Variants in ART5 observed in about 807,000 individuals in gnomAD.
The protein encoded by ART5 is ADP-ribosyltransferase 5, also known as ecto-ADP-ribosyltransferase 5.
ART5 carries 22 observed loss-of-function variants against 25.0 expected under a neutral mutation model. That is an observed-to-expected ratio of 0.88 (90% CI 0.63 to 1.26). ART5 has a LOEUF of 1.26. ART5 is among the 50% of genes most tolerant of loss of function. ART5 has a pLI of 0.00. For missense variants in ART5, 402 were observed against 372.8 expected (o/e 1.08, Z -0.64); for synonymous variants, 161 against 154.8 (o/e 1.04, Z -0.30).
chr11:3,641,680 G>C, intron 1 of ART5, 126 bp downstream of exon 1: 1 of 1,482,004 alleles, frequency 6.7e-7, no homozygotes. Context: ...GAGGAAGAGA[G>C]TTAAGAGTGG....
At chr11:3,642,328 AGCGCCGCACGCGGG>A, upstream of ART5, 1 of 990,908 alleles carries the variant, frequency 1.0e-6, no homozygotes, top group Non-Finnish European at 1.2e-6. Context: ...CCCCTTTCCC[AGCGCCGCACGCGGG>A]GCCGGGAGCG....
At position 3,639,627 on chromosome 11, in the gene ART5, C is replaced by T. The variant is rs2077361378; in HGVS notation, c.787+15G>A. 1 of 1,600,550 alleles carries T rather than the reference C, an allele frequency of 6.2e-7. No homozygotes were observed. Among genetic ancestry groups the T allele is most frequent in the Non-Finnish European group, 8.5e-7 (1 of 1,173,742 alleles). ...ACCCACACTGCCAGTCCTGCTTCCC[C>T]CATGCACAGCTTACCACCCAGATAG... On this transcript the variant is annotated intron_variant, in intron 2 of 3. Transcript: ENST00000397068.
At position 3,641,924 on chromosome 11, in the gene ART5, C is replaced by G. The variant is rs757980761; in HGVS notation, c.-62G>C. On this transcript the variant is annotated 5_prime_UTR_variant, in exon 1 of 4. Coordinates refer to ENST00000397068, the MANE Select transcript of ART5 (RefSeq NM_053017.5). ...GGGCGGGACCAGAGGTGCTGGAGTC[C>G]TGGTTTCGAGGGGCTGGAGGCAGAT... 1 of 1,542,178 alleles carries G rather than the reference C, an allele frequency of 6.5e-7. No individual in the cohort carries two copies. Among genetic ancestry groups the G allele is most frequent in the African/African-American group, 1.4e-5 (1 of 73,162 alleles).
In ART5 at chr11:3,640,358, G is replaced by GT. The variant is rs397784566; in HGVS notation, c.70_71insA (p.Pro24HisfsTer13). The GT allele has an allele frequency of 2.5e-3, 4,039 of 1,606,452 alleles. 12 individuals carry two copies. The highest frequency in any genetic ancestry group is 3.6e-3 in the South Asian group (321 of 90,222). ...TGGAGCCAGGCCCAGGGGCAGGATG[G>GT]GAACAGCCTGGGCCTGTGGAGCAAA... On this transcript the variant is annotated frameshift_variant, in exon 2 of 4. Transcript: ENST00000397068. LOFTEE classifies it high-confidence loss of function.
At chr11:3,641,545 G>A (rs1189405980) in intron 1 of ART5, among the ~76,000 whole-genome samples, 1 of 152,186 alleles carries the variant, frequency 6.6e-6, no homozygotes, top group African/African-American at 2.4e-5. Flanking sequence ...TTGCCGGGCT[G>A]TGCCTGCGCT....
Position 3,640,078 on chromosome 11 carries a change from G to T in ART5, c.351C>A (p.Gly117=), listed in dbSNP as rs200406523. The change falls in exon 2 of 4, where the codon GGC becomes GGA. Residue 117 remains glycine, a synonymous_variant. Transcript: ENST00000397068. The part of the protein sequence containing the change: ...YWELNQAVRT[G]GGSRELYMRH... Reference sequence around the variant, plus strand: ...TCATGTAGAGCTCCCGGGAGCCTCCGCCCGTCCGCACGGCCTGATTCAACT... The same window carrying T: ...TCATGTAGAGCTCCCGGGAGCCTCCTCCCGTCCGCACGGCCTGATTCAACT... 6.2e-7 allele frequency: 1 copy of T among 1,614,186 alleles called. No homozygotes were observed. The highest frequency in any genetic ancestry group is 8.5e-7 in the Non-Finnish European group (1 of 1,180,040).
At chr11:3,642,287 T>C, upstream of ART5, 3 of 1,025,338 alleles carry the variant, frequency 2.9e-6, no homozygotes, top group Non-Finnish European at 3.5e-6. Flanking sequence ...TTCTCGAGGC[T>C]AACTGTAGCC....
At chr11:3,638,839 G>A (rs1224695565) in intron 3 of ART5, 46 bp from the exon 4 acceptor site, 3 of 1,614,022 alleles carry the variant, frequency 1.9e-6, no homozygotes, top group Non-Finnish European at 1.7e-6. Context: ...CCTGAGAGCT[G>A]GAACTCTCCA....
chr11:3,640,277 G>A lies in ART5; in HGVS notation c.152C>T (p.Ala51Val), dbSNP rs753373523. 9 of 1,613,502 alleles carry A rather than the reference G, an allele frequency of 5.6e-6. No individual in the cohort carries two copies. The highest frequency in any genetic ancestry group is 6.8e-6 in the Non-Finnish European group (8 of 1,180,038). Reference sequence around the variant, plus strand: ...GGCCATTTCCTCCTTTAGCAGGGGGGCTGCCTTCTCCTCCATCTCCTCTGC... The same window carrying A: ...GGCCATTTCCTCCTTTAGCAGGGGGACTGCCTTCTCCTCCATCTCCTCTGC... ...GCAEEMEEKA[A>V]PLLKEEMAHH... The change falls in exon 2 of 4, where the codon GCC becomes GTC. Residue 51 changes from alanine to valine, a missense_variant. Ala to Val is a moderately conservative substitution (Grantham distance 64). Transcript: ENST00000397068.
Position 3,639,903 on chromosome 11 carries a change from C to G in ART5, c.526G>C (p.Val176Leu), listed in dbSNP as rs1382579818. Residue 176 changes from valine (V) to leucine (L), a missense_variant, in exon 2 of 4, where the codon GTC (valine) becomes CTC (leucine). Physicochemically the swap from Val to Leu is conservative, Grantham distance 32 (BLOSUM62 1). Transcript: ENST00000397068. ...CTGGAGGCAAACTGGCCCAAGCGGA[C>G]AGAGTCTCCCAGCCTCTTGGGTTCA... Reference protein sequence around the residue: ...RFEPKRLGDSVRLGQFASSSL... With the variant: ...RFEPKRLGDSLRLGQFASSSL... 6.2e-7 allele frequency: 1 copy of G among 1,614,058 alleles called. No individual in the cohort carries two copies. Among genetic ancestry groups the G allele is most frequent in the South Asian group, 1.1e-5 (1 of 91,086 alleles).
rs943545943 is a variant in ART5 at position 3,639,794 on chromosome 11, G to A, written c.635C>T (p.Ala212Val). Residue 212 changes from alanine (A) to valine (V), a missense_variant, in exon 2 of 4, where the codon GCC becomes GTC. By Grantham distance (64) the Ala-to-Val change is moderately conservative. Transcript: ENST00000397068. Reference sequence around the variant, plus strand: ...GCGCTCCTTGGGAAAGACAGAGAAGGCCTGTATAGGGGCCCCAAAGCAAGT... The same window carrying A: ...GCGCTCCTTGGGAAAGACAGAGAAGACCTGTATAGGGGCCCCAAAGCAAGT... The part of the protein sequence containing the change: ...LTTCFGAPIQ[A>V]FSVFPKEREV... 2 of 1,614,108 alleles carry A rather than the reference G, an allele frequency of 1.2e-6. No individual in the cohort carries two copies. Among genetic ancestry groups the A allele is most frequent in the Admixed American group, 1.7e-5 (1 of 60,004 alleles).
Position 3,638,541 on chromosome 11 carries a change from G to A in ART5, c.*197C>T. The A allele has an allele frequency of 1.6e-6, 1 of 640,748 alleles. No individual in the cohort carries two copies. The highest frequency in any genetic ancestry group is 2.7e-6 in the Non-Finnish European group (1 of 363,934). 39.7% of individuals were successfully genotyped at this position (640,748 alleles called of 1,614,324 possible). On this transcript the variant is annotated 3_prime_UTR_variant, in exon 4 of 4. Transcript: ENST00000397068. The stretch of plus-strand genomic sequence containing the variant: ...CACTGCAATACCATTTAATCACGTA[G>A]CTACCTCAATAAAACTCCATGTCTC...
At position 3,641,942 on chromosome 11, in the gene ART5, A is replaced by G; in HGVS notation, c.-80T>C. ...TGGAGTCCTGGTTTCGAGGGGCTGG[A>G]GGCAGATCTGGACCCTGTCTCCAGG... On this transcript the variant is annotated 5_prime_UTR_variant, in exon 1 of 4. Coordinates refer to ENST00000397068, the MANE Select transcript of ART5 (RefSeq NM_053017.5). 2 of 1,531,918 alleles carry G rather than the reference A, an allele frequency of 1.3e-6. No individual in the cohort carries two copies. Among genetic ancestry groups the G allele is most frequent in the Non-Finnish European group, 1.8e-6 (2 of 1,142,762 alleles). 94.9% of individuals were successfully genotyped at this position (1,531,918 alleles called of 1,614,324 possible).
chr11:3,642,315 A>G, upstream of ART5: 1 of 1,003,054 alleles, frequency 1.0e-6, no homozygotes, highest in Non-Finnish European at 1.2e-6. Flanking sequence ...TGGTAACCCG[A>G]CACCCCTTTC....
At chr11:3,638,817 C>T in intron 3 of ART5, 24 bp from the exon 4 acceptor site, 1 of 1,614,120 alleles carries the variant, frequency 6.2e-7, no homozygotes. Context: ...GTTGGACTTT[C>T]AGGGCCCAAC....
chr11:3,642,239 G>A (rs1178410330), upstream of ART5: 3 of 1,106,236 alleles, frequency 2.7e-6, no homozygotes, highest in African/African-American at 4.9e-5. Flanking sequence ...GCGCTGCGCT[G>A]TCCCCGGAGG....
Position 3,638,763 on chromosome 11 carries a change from G to A in ART5, c.851C>T (p.Thr284Met), listed in dbSNP as rs2271586. 3.8e-5 allele frequency: 62 copies of A among 1,613,796 alleles called. No homozygotes were observed. The highest frequency in any genetic ancestry group is 1.6e-4 in the Middle Eastern group (1 of 6,084). ...TCAAGGCTGCTGGAGGTGCCTCTTCGTCATATGAAGGTCACCCGTTCCCAG... is the reference window on the plus strand; with the variant it reads ...TCAAGGCTGCTGGAGGTGCCTCTTCATCATATGAAGGTCACCCGTTCCCAG... ...GALGTGDLHMTKRHLQQP is the reference protein window; with the variant it reads ...GALGTGDLHMMKRHLQQP The change falls in exon 4 of 4, where the codon ACG (threonine) becomes ATG (methionine). Residue 284 changes from threonine to methionine, a missense_variant. Physicochemically the swap from Thr to Met is moderately conservative, Grantham distance 81. Transcript: ENST00000397068.
At position 3,639,693 on chromosome 11, in the gene ART5, G is replaced by A. The variant is rs1341935539; in HGVS notation, c.736C>T (p.Leu246Phe). The change falls in exon 2 of 4, where the codon CTC becomes TTC. Residue 246 changes from leucine to phenylalanine, a missense_variant. By Grantham distance (22) the Leu-to-Phe change is conservative (BLOSUM62 0). Transcript: ENST00000397068. ...SQDGAQSLVT[L>F]WSYNQTCSHF... ...CTACAGGTCTGATTATAGCTCCAGA[G>A]AGTCACCAAGCTCTGGGCTCCATCC... The A allele has an allele frequency of 1.2e-6, 2 of 1,614,004 alleles. No individual in the cohort carries two copies. The highest frequency in any genetic ancestry group is 3.3e-5 in the Admixed American group (2 of 60,032).
At chr11:3,640,600 T>C (rs2077381960) in intron 1 of ART5, among the ~76,000 whole-genome samples, 1 of 150,496 alleles carries the variant, frequency 6.6e-6, no homozygotes, top group Admixed American at 6.7e-5. Flanking sequence ...GATGGAGTCT[T>C]GCTCTGTTGC....
Sources: allele counts gnomAD v4.1 joint callset (sites outside exome capture counted in the v4.1 genomes callset), GRCh38; gene constraint gnomAD v4.1.1; transcripts MANE v1.5; gene names NCBI Gene and HGNC (gene_info 2026-07-23, HGNC 2026-07-21).